The following NOL6 variants were observed in gnomAD, a reference collection of about 807,000 sequenced individuals.
The protein encoded by NOL6 is nucleolar protein 6, also known as nucleolar RNA-associated protein.
A neutral mutation model predicts 131.7 loss-of-function variants in NOL6; 33 were observed. That is an observed-to-expected ratio of 0.25 (90% CI 0.19 to 0.33). NOL6 has a LOEUF of 0.33. Among genes scored for constraint, NOL6 ranks in the 10% least tolerant of loss-of-function variants. The pLI is 1.00. For synonymous variants in NOL6, 580 were observed against 605.7 expected (o/e 0.96, Z 0.62); for missense variants, 1,297 against 1,494.5 (o/e 0.87, Z 2.18).
In NOL6 at chr9:33,467,304, C is replaced by T; in HGVS notation, c.1726-42G>A. 1 of 1,610,892 alleles carries T rather than the reference C, an allele frequency of 6.2e-7. No individual in the cohort carries two copies. The highest frequency in any genetic ancestry group is 8.5e-7 in the Non-Finnish European group (1 of 1,177,380). The stretch of plus-strand genomic sequence containing the variant: ...GGTAGTAGAGCTGGGGAAGGAAGGG[C>T]TCTGTGGACCCTCCCCAACAAGCTT... On this transcript the variant is annotated intron_variant, in intron 13 of 25. Coordinates refer to ENST00000297990, the MANE Select transcript of NOL6 (RefSeq NM_022917.5). The surrounding 1 kb of genome is among the most constrained non-coding windows in gnomAD (Gnocchi z 4.4).
At position 33,462,564 on chromosome 9, in the gene NOL6, G is replaced by A; in HGVS notation, c.*100C>T. 3 of 1,380,266 alleles carry A rather than the reference G, an allele frequency of 2.2e-6. No homozygotes were observed. Among genetic ancestry groups the A allele is most frequent in the Middle Eastern group, 1.8e-4 (1 of 5,426 alleles). The allele number at this position is 1,380,266 out of a possible 1,614,324, so 85.5% of individuals were successfully genotyped here. A position where few individuals can be genotyped will look rare whatever the true frequency, so the allele number is the denominator to read the frequency against. ...ATGTTCAGCCAGCAGGCCCTCCATG[G>A]AGGATTCATGTCCAAGGAGGGTGGA... On this transcript the variant is annotated 3_prime_UTR_variant, in exon 26 of 26. Coordinates refer to ENST00000297990, the MANE Select transcript of NOL6 (RefSeq NM_022917.5).
Position 33,467,251 on chromosome 9 carries a change from G to C in NOL6, c.1737C>G (p.Phe579Leu), listed in dbSNP as rs1563878512. 6.2e-7 allele frequency: 1 copy of C among 1,614,130 alleles called. No homozygotes were observed. The highest frequency in any genetic ancestry group is 8.5e-7 in the Non-Finnish European group (1 of 1,179,986). The change falls in exon 14 of 26, where the codon TTC becomes TTG. Residue 579 changes from phenylalanine (F) to leucine (L), a missense_variant. Transcript: ENST00000297990. This position sits in a 1 kb window ranked among gnomAD's most constrained non-coding sequence, Gnocchi z 4.4. ...PEADQPEAAKFRQFWGSRSEL... is the reference protein window; with the variant it reads ...PEADQPEAAKLRQFWGSRSEL... ...CCGAGCGGGATCCCCAGAACTGGCGGAATTTAGCAGCCTGAGGAGGCAAGG... is the reference window on the plus strand; with the variant it reads ...CCGAGCGGGATCCCCAGAACTGGCGCAATTTAGCAGCCTGAGGAGGCAAGG...
At chr9:33,464,013 TA>T in intron 22 of NOL6, 23 bp downstream of exon 22, 1 of 1,612,738 alleles carries the variant, frequency 6.2e-7, no homozygotes, top group Non-Finnish European at 8.5e-7. Flanking sequence ...AACCACACAT[TA>T]GGGGGCAGGT....
Position 33,462,033 on chromosome 9 carries a change from C to T in NOL6, c.*631G>A, listed in dbSNP as rs1827106247. 4.4e-6 allele frequency: 3 copies of T among 676,626 alleles called. No individual in the cohort carries two copies. Among genetic ancestry groups the T allele is most frequent in the Non-Finnish European group, 8.3e-6 (3 of 361,098 alleles). The allele number at this position is 676,626 out of a possible 1,614,324, so 41.9% of individuals were successfully genotyped here. ...GTGACTACCAGTCCCCTGACCCCTTCACCTACCCAATCCTTTCCTGTCCTC... is the reference window on the plus strand; with the variant it reads ...GTGACTACCAGTCCCCTGACCCCTTTACCTACCCAATCCTTTCCTGTCCTC... On this transcript the variant is annotated 3_prime_UTR_variant, in exon 26 of 26. Transcript: ENST00000297990.
At chr9:33,468,928 G>C (rs1450453338) in intron 7 of NOL6, 30 bp downstream of exon 7, 1 of 1,614,000 alleles carries the variant, frequency 6.2e-7, no homozygotes, top group African/African-American at 1.3e-5. Flanking sequence ...CAGGCGCTCA[G>C]GTAGGGAGGC....
Position 33,465,374 on chromosome 9 carries a change from G to A in NOL6, c.2529-15C>T. On this transcript the variant is annotated splice_polypyrimidine_tract_variant and intron_variant, in intron 19 of 25. Transcript: ENST00000297990. ...GCTGCTGCAGTCTGCAGAGAGAAGG[G>A]GAGTGTCAGCGAGACTCAGGGCCCC... The A allele has an allele frequency of 1.3e-6, 2 of 1,576,830 alleles. No homozygotes were observed. Among genetic ancestry groups the A allele is most frequent in the South Asian group, 1.2e-5 (1 of 86,850 alleles).
chr9:33,464,740 T>A, intron 21 of NOL6, 139 bp downstream of exon 21: 1 of 645,322 alleles, frequency 1.5e-6, no homozygotes, highest in Non-Finnish European at 2.8e-6. Context: ...GCTGTTCACC[T>A]GGACCTCTTC....
chr9:33,469,335 T>C lies in NOL6; in HGVS notation c.734A>G (p.Asp245Gly), dbSNP rs752347935. The change falls in exon 6 of 26, where the codon GAT (aspartate) becomes GGT (glycine). Residue 245 changes from aspartate (D) to glycine (G), a missense_variant. Transcript: ENST00000297990. Reference sequence around the variant, plus strand: ...CAGACGTACAGTGACCAGGCGCTCATCCTTTCCTGCCAGAGACAGTGAGTG... The same window carrying C: ...CAGACGTACAGTGACCAGGCGCTCACCCTTTCCTGCCAGAGACAGTGAGTG... ...PSLLLRPRGK[D>G]ERLVTVRLHP... The C allele has an allele frequency of 4.3e-6, 7 of 1,613,958 alleles. No homozygotes were observed. The South Asian group carries it at 5.5e-5, about 13-fold the overall frequency.
chr9:33,466,044 G>A (rs1295134585), intron 18 of NOL6, 27 bp downstream of exon 18: 1 of 1,565,960 alleles, frequency 6.4e-7, no homozygotes, highest in Non-Finnish European at 8.7e-7. Context: ...CCTTCCCTGG[G>A]GACATATCTG....
chr9:33,472,264 T>C lies in NOL6; in HGVS notation c.203A>G (p.Glu68Gly). The change falls in exon 2 of 26, where the codon GAG (glutamate) becomes GGG (glycine). Residue 68 changes from glutamate to glycine, a missense_variant. Glu to Gly is a moderately conservative substitution (Grantham distance 98). Transcript: ENST00000297990. Reference protein sequence around the residue: ...AELYKEPTNEELNRLRETEIL... With the variant: ...AELYKEPTNEGLNRLRETEIL... ...CTCAGTCTCCCGAAGGCGATTAAGCTCCTCATTGGTAGGCTCCTTGTACAG... is the reference window on the plus strand; with the variant it reads ...CTCAGTCTCCCGAAGGCGATTAAGCCCCTCATTGGTAGGCTCCTTGTACAG... The C allele has an allele frequency of 6.2e-7, 1 of 1,614,188 alleles. No individual in the cohort carries two copies. Among genetic ancestry groups the C allele is most frequent in the Non-Finnish European group, 8.5e-7 (1 of 1,180,026 alleles).
At position 33,467,658 on chromosome 9, in the gene NOL6, C is replaced by G; in HGVS notation, c.1602+33G>C. On this transcript the variant is annotated intron_variant, in intron 12 of 25. Coordinates refer to ENST00000297990, the MANE Select transcript of NOL6 (RefSeq NM_022917.5). This position sits in a 1 kb window ranked among gnomAD's most constrained non-coding sequence, Gnocchi z 4.4. ...TTGGGACCCTGGATCCAGCCCAACT[C>G]AGACCCAAACTCCCCAACCTACACC... The G allele has an allele frequency of 1.3e-6, 2 of 1,545,362 alleles. No individual in the cohort carries two copies. The highest frequency in any genetic ancestry group is 1.7e-6 in the Non-Finnish European group (2 of 1,145,448).
Position 33,465,749 on chromosome 9 carries a change from G to T in NOL6, c.2513C>A (p.Thr838Asn), listed in dbSNP as rs747814157. Reference protein sequence around the residue: ...ERDTRQLPLLTSALHGLQQQH... With the variant: ...ERDTRQLPLLNSALHGLQQQH... Reference sequence around the variant, plus strand: ...GTGGCCTTACCCGTGCAGGGCACTGGTGAGCAGTGGCAACTGCCTTGTGTC... The same window carrying T: ...GTGGCCTTACCCGTGCAGGGCACTGTTGAGCAGTGGCAACTGCCTTGTGTC... The change falls in exon 19 of 26, where the codon ACC becomes AAC. Residue 838 changes from threonine (T) to asparagine (N), a missense_variant. Physicochemically the swap from Thr to Asn is moderately conservative, Grantham distance 65. Transcript: ENST00000297990. 6.2e-6 allele frequency: 10 copies of T among 1,612,948 alleles called. No homozygotes were observed. The African/African-American group carries it at 1.2e-4, about 19-fold the overall frequency.
At chr9:33,470,293 A>T in intron 3 of NOL6, 102 bp from the exon 4 acceptor site, 1 of 1,061,832 alleles carries the variant, frequency 9.4e-7, no homozygotes, top group Non-Finnish European at 1.3e-6. Flanking sequence ...GTTTGAAACC[A>T]AACTCCCAAT....
rs767069844 is a variant in NOL6, at chr9:33,468,326, G to A, written c.1303C>T (p.His435Tyr). 6.2e-7 allele frequency: 1 copy of A among 1,613,784 alleles called. No individual in the cohort carries two copies. Among genetic ancestry groups the A allele is most frequent in the Non-Finnish European group, 8.5e-7 (1 of 1,179,756 alleles). ...GATTGGGGGCCCATTGGTACCTGGTGGTAAGTAGAGGCAGTGACATCAGCA... is the reference window on the plus strand; with the variant it reads ...GATTGGGGGCCCATTGGTACCTGGTAGTAAGTAGAGGCAGTGACATCAGCA... Reference protein sequence around the residue: ...LCADVTASTYHQVQHEARLSM... With the variant: ...LCADVTASTYYQVQHEARLSM... Residue 435 changes from histidine (H) to tyrosine (Y), a missense_variant, in exon 10 of 26, where the codon CAC becomes TAC. Transcript: ENST00000297990.
chr9:33,468,251 T>A (rs892778259), intron 10 of NOL6, 70 bp downstream of exon 10: 15 of 1,608,446 alleles, frequency 9.3e-6, no homozygotes, highest in Non-Finnish European at 1.3e-5. Context: ...TCTGGGGTTC[T>A]GGTACTTGCA....
rs187510647 is a variant in NOL6 at position 33,466,062 on chromosome 9, C to T, written c.2364+9G>A. The T allele has an allele frequency of 6.9e-5, 108 of 1,572,212 alleles. No individual in the cohort carries two copies. In the African/African-American group the frequency reaches 1.4e-3, roughly 20 times the overall value. ...TCCCTGGGGACATATCTGCCTGCACCAGCCTAACCTTAAGGACATCCGTGT... is the reference window on the plus strand; with the variant it reads ...TCCCTGGGGACATATCTGCCTGCACTAGCCTAACCTTAAGGACATCCGTGT... On this transcript the variant is annotated intron_variant, in intron 18 of 25. Transcript: ENST00000297990.
At chr9:33,468,721 C>A in intron 8 of NOL6, 31 bp downstream of exon 8, 1 of 1,613,768 alleles carries the variant, frequency 6.2e-7, no homozygotes, top group Non-Finnish European at 8.5e-7. Flanking sequence ...AGGAGTGGAG[C>A]CCCTGGCCTT....
chr9:33,462,522 G>T lies in NOL6; in HGVS notation c.*142C>A, dbSNP rs550200759. The stretch of plus-strand genomic sequence containing the variant: ...AGAGAGAAAGTTGGGGCTGGGTTTT[G>T]TTGGAGATGATTCAGCATGTTCAGC... On this transcript the variant is annotated 3_prime_UTR_variant, in exon 26 of 26. Transcript: ENST00000297990. The T allele has an allele frequency of 6.3e-6, 6 of 956,278 alleles. No homozygotes were observed. In the South Asian group the frequency reaches 8.3e-5, roughly 13 times the overall value. The allele number at this position is 956,278 out of a possible 1,614,324, so 59.2% of individuals were successfully genotyped here. A position where few individuals can be genotyped will look rare whatever the true frequency, so the allele number is the denominator to read the frequency against.
chr9:33,463,598 A>G (rs1277459337), intron 23 of NOL6, among the ~76,000 whole-genome samples, 157 bp from the exon 24 acceptor site: 1 of 152,022 alleles, frequency 6.6e-6, no homozygotes, highest in Non-Finnish European at 1.5e-5. Flanking sequence ...AGACCCACAG[A>G]GCAAACAGCT....
Sources: gnomAD v4.1 joint callset for allele counts (sites outside exome capture counted in the v4.1 genomes callset) on GRCh38, gnomAD v4.1.1 for gene constraint, Gnocchi (gnomAD v3.1) non-coding constraint, MANE v1.5 for transcripts, NCBI Gene and HGNC (gene_info 2026-07-23, HGNC 2026-07-21) for gene names.